The following USP28 variants were observed in gnomAD, a reference collection of about 807,000 sequenced individuals.
The protein encoded by USP28 is ubiquitin specific peptidase 28.
USP28 carries 113 observed loss-of-function variants against 145.0 expected under a neutral mutation model. That is an observed-to-expected ratio of 0.78 (90% confidence interval 0.67 to 0.91). The LOEUF (loss-of-function observed/expected upper bound fraction) is 0.91. Among genes scored for constraint, USP28 ranks in the 40% least tolerant of loss-of-function variants. USP28 has a pLI of 0.00. For missense variants in USP28, 1,201 were observed against 1,289.6 expected (o/e 0.93, Z 1.05); for synonymous variants, 447 against 450.9 (o/e 0.99, Z 0.11).
At chr11:113,804,963 G>A in exon 20 of USP28, 1 of 1,614,122 alleles carries the variant, frequency 6.2e-7, no homozygotes, top group Non-Finnish European at 8.5e-7. Flanking sequence ...AGTAGACAAG[G>A]ACATGCTGAA....
intron 13 of USP28, among the ~76,000 whole-genome samples, chr11:113,816,152 A>C (rs1178187637): frequency 1.3e-5 from 2 of 152,170 alleles, no homozygotes; most frequent in Non-Finnish European, 2.9e-5. Context: ...ATAAGCTTCT[A>C]ATTGTAGTTA....
intron 1 of USP28, among the ~76,000 whole-genome samples, chr11:113,856,135 T>C (rs1458859215): frequency 6.6e-6 from 1 of 152,252 alleles, no homozygotes; most frequent in African/African-American, 2.4e-5. Flanking sequence ...CGCAAGCATG[T>C]AATTTTTAGA....
chr11:113,802,911 A>G (rs1939296371), intron 23 of USP28, among the ~76,000 whole-genome samples: 1 of 152,230 alleles, frequency 6.6e-6, no homozygotes, highest in Admixed American at 6.5e-5. Context: ...GCAGGCATAC[A>G]TGAAGGGCAC....
At chr11:113,865,726 A>G (rs908962915) in intron 1 of USP28, among the ~76,000 whole-genome samples, 3 of 152,228 alleles carry the variant, frequency 2.0e-5, no homozygotes, top group African/African-American at 7.2e-5. Flanking sequence ...ATAAATAACT[A>G]AAACTATAAA....
At chr11:113,819,237 C>A (rs764865723) in intron 12 of USP28, among the ~76,000 whole-genome samples, 2 of 151,760 alleles carry the variant, frequency 1.3e-5, no homozygotes, top group Non-Finnish European at 2.9e-5. Context: ...CTCAGCCTCC[C>A]GAGTAGCTGG....
chr11:113,853,496 T>C (rs931065939), intron 2 of USP28, among the ~76,000 whole-genome samples: 3 of 152,130 alleles, frequency 2.0e-5, no homozygotes, highest in Non-Finnish European at 4.4e-5. Flanking sequence ...TTATTTTCTC[T>C]AAACCTCCTA....
In USP28 at chr11:113,829,599, G is replaced by A. The variant is rs542586571; in HGVS notation, c.911-254C>T. On this transcript the variant is annotated intron_variant, in intron 9 of 24. Transcript: ENST00000003302. ...TCCCACCACTTTGGGAGGCCAAGGT[G>A]GGAGGATCACTTGAGGCCAGGAGTT... is the stretch of plus-strand genomic sequence containing the variant. 15 of 406,330 alleles carry A rather than the reference G, an allele frequency of 3.7e-5. No homozygotes were observed. The East Asian group carries it at 7.8e-4, about 21-fold the overall frequency. The allele number at this position is 406,330 out of a possible 1,614,324, so 25.2% of individuals were successfully genotyped here. A position where few individuals can be genotyped will look rare whatever the true frequency, so the allele number is the denominator to read the frequency against.
chr11:113,869,391 T>G (rs1399621399), intron 1 of USP28, among the ~76,000 whole-genome samples: 1 of 152,194 alleles, frequency 6.6e-6, no homozygotes, highest in Non-Finnish European at 1.5e-5. Context: ...CTCACGCCAC[T>G]GTACTCCATC....
intron 1 of USP28, among the ~76,000 whole-genome samples, chr11:113,875,217 C>A (rs1007977390): frequency 1.7e-4 from 26 of 152,138 alleles, no homozygotes; most frequent in African/African-American, 6.3e-4. Context: ...TCTGGAAATC[C>A]CCCTACAACT....
intron 20 of USP28, 27 bp downstream of exon 21, chr11:113,804,841 G>C: frequency 6.2e-7 from 1 of 1,611,540 alleles, no homozygotes; most frequent in Non-Finnish European, 8.5e-7. Context: ...CCAGACCAAG[G>C]GATTCACCTG....
At position 113,843,632 on chromosome 11, in the gene USP28, T is replaced by C. The variant is rs151041915; in HGVS notation, c.269-1864A>G. ...GCTATGGTGACCCAACATCATGCCA[T>C]TGCACTCCAGCCTGGGCAACAAGAG... On this transcript the variant is annotated intron_variant, in intron 3 of 24. Coordinates refer to ENST00000003302, the Ensembl canonical transcript of USP28. 7.4e-3 allele frequency among the ~76,000 whole-genome samples: 1,100 copies of C among 147,752 alleles called. 10 individuals are homozygous for C. Among genetic ancestry groups the C allele is most frequent in the Non-Finnish European group, 9.1e-3 (611 of 67,290 alleles).
chr11:113,818,301 G>C (rs937656895), intron 12 of USP28: 1 of 152,718 alleles, frequency 6.5e-6, no homozygotes, highest in Admixed American at 6.5e-5. Flanking sequence ...ACAGGAACCC[G>C]CCACCACGCC....
rs747442902 is a variant in USP28, at chr11:113,803,287, A to G, written c.2739-6T>C. 8.1e-6 allele frequency: 13 copies of G among 1,601,884 alleles called. No individual in the cohort carries two copies. The highest frequency in any genetic ancestry group is 1.1e-5 in the Non-Finnish European group (13 of 1,175,984). On this transcript the variant is annotated splice_polypyrimidine_tract_variant and splice_region_variant and intron_variant, in intron 22 of 24. Transcript: ENST00000003302. ...AGGAAAGTGCCTCTTGGTACCTTAG[A>G]AAAATGGGAGATAAACAACAGCTGA...
intron 1 of USP28, among the ~76,000 whole-genome samples, chr11:113,869,902 C>T (rs1948651206): frequency 6.6e-6 from 1 of 152,190 alleles, no homozygotes; most frequent in Non-Finnish European, 1.5e-5. Flanking sequence ...GGTGTTCACG[C>T]CTGTAATCCC....
At chr11:113,810,706 CA>C in intron 16 of USP28, among the ~76,000 whole-genome samples, 1 of 152,304 alleles carries the variant, frequency 6.6e-6, no homozygotes, top group African/African-American at 2.4e-5. Context: ...GACAAAGTCT[CA>C]CTCTGTTGCC....
chr11:113,860,137 T>C (rs1947500478), intron 1 of USP28, among the ~76,000 whole-genome samples: 1 of 152,226 alleles, frequency 6.6e-6, no homozygotes, highest in South Asian at 2.1e-4. Context: ...TAAAACTCTC[T>C]GATGAAATAA....
At chr11:113,830,029 G>A (rs1490504183) in intron 9 of USP28, among the ~76,000 whole-genome samples, 1 of 151,998 alleles carries the variant, frequency 6.6e-6, no homozygotes, top group Non-Finnish European at 1.5e-5. Context: ...ATGTATCAGA[G>A]GACATGCAAA....
chr11:113,865,954 G>A (rs903281788), intron 1 of USP28, among the ~76,000 whole-genome samples: 1 of 152,080 alleles, frequency 6.6e-6, no homozygotes, highest in East Asian at 1.9e-4. Flanking sequence ...AAAGACAACC[G>A]GTATACAAAT....
At chr11:113,834,191 A>C in intron 6 of USP28, 58 bp downstream of exon 6, 1 of 1,331,024 alleles carries the variant, frequency 7.5e-7, no homozygotes. Flanking sequence ...AAAATCTAGA[A>C]GCCTTAGGGA....
Sources: allele counts gnomAD v4.1 joint callset (sites outside exome capture counted in the v4.1 genomes callset), GRCh38; gene constraint gnomAD v4.1.1; transcripts MANE v1.5; gene names NCBI Gene and HGNC (gene_info 2026-07-23, HGNC 2026-07-21).